The following SARAF variants were observed in gnomAD, a reference collection of about 807,000 sequenced individuals.
SARAF encodes store-operated calcium entry-associated regulatory factor.
SARAF carries 23 observed loss-of-function variants against 39.7 expected under a neutral mutation model. That is an observed-to-expected ratio of 0.58 (90% CI 0.42 to 0.82). SARAF has a LOEUF of 0.82. Among genes scored for constraint, SARAF ranks in the 40% least tolerant of loss-of-function variants. SARAF has a pLI of 0.00. For synonymous variants in SARAF, 175 were observed against 168.5 expected, an observed-to-expected ratio of 1.04 and a Z score of -0.30; for missense variants, 384 against 418.5, an observed-to-expected ratio of 0.92 and a Z score of 0.72.
chr8:30,082,883 G>A lies in SARAF; in HGVS notation c.67C>T (p.Leu23=), dbSNP rs376653256. The change falls in exon 1 of 6, where the codon CTG becomes TTG. Residue 23 remains leucine (L), a synonymous_variant. Coordinates refer to ENST00000256255, the MANE Select transcript of SARAF (RefSeq NM_016127.6). ...CLLLGLHLFL[L]TAGPALGWND... is the part of the protein sequence containing the mutation. ...CAGCCCAGGGCAGGGCCCGCGGTCAGCAGAAACAAATGCAAGCCGAGGAGC... is the reference window on the plus strand; with the variant it reads ...CAGCCCAGGGCAGGGCCCGCGGTCAACAGAAACAAATGCAAGCCGAGGAGC... The A allele has an allele frequency of 7.1e-6, 11 of 1,559,886 alleles. No individual in the cohort carries two copies. The highest frequency in any genetic ancestry group is 8.7e-6 in the Non-Finnish European group (10 of 1,154,396).
rs546817899 is a variant in SARAF, at chr8:30,073,310, C to T, written c.282+567G>A. On this transcript the variant is annotated intron_variant, in intron 2 of 5. Transcript: ENST00000256255. ...TTAAACTGAATTCATTTAATAAAAT[C>T]TATCTCTAAAGCATATTCAGTTTTG... Among the ~76,000 whole-genome samples, 5 of 152,300 alleles carry T rather than the reference C, an allele frequency of 3.3e-5. No individual in the cohort carries two copies. The South Asian group carries it at 1.0e-3, about 32-fold the overall frequency.
intron 5 of SARAF, among the ~76,000 whole-genome samples, chr8:30,064,561 A>ATATATATTTTTTTTTT (rs1423689069): frequency 6.5e-4 from 30 of 46,214 alleles, no homozygotes; most frequent in East Asian, 2.1e-3. Context: ...ATATATATAT[A>ATATATATTTTTTTTTT]TTTTTTTTTT....
At chr8:30,068,203 C>T (rs961273545) in intron 3 of SARAF, among the ~76,000 whole-genome samples, 2 of 152,106 alleles carry the variant, frequency 1.3e-5, no homozygotes, top group Non-Finnish European at 2.9e-5. Flanking sequence ...GCGACTGAAG[C>T]TTCATCTCTA....
At chr8:30,081,624 C>T (rs938361927) in intron 1 of SARAF, among the ~76,000 whole-genome samples, 1 of 152,180 alleles carries the variant, frequency 6.6e-6, no homozygotes, top group Non-Finnish European at 1.5e-5. Context: ...TAGAAATAAA[C>T]CTGTTGCTTA....
chr8:30,069,607 C>A (rs770877282), intron 3 of SARAF, 35 bp downstream of exon 3: 21 of 1,531,680 alleles, frequency 1.4e-5, no homozygotes, highest in East Asian at 2.2e-5. Flanking sequence ...AACCTCACAC[C>A]CGCTCTATTT....
intron 3 of SARAF, 63 bp downstream of exon 3, chr8:30,069,579 C>T: frequency 2.0e-6 from 3 of 1,498,264 alleles, no homozygotes. Context: ...TATTTCAGAA[C>T]CAAGCACAGG....
chr8:30,064,566 T>TTTATTTTTTTTTA (rs1563349944), intron 5 of SARAF, among the ~76,000 whole-genome samples: 24 of 102,548 alleles, frequency 2.3e-4, no homozygotes, highest in Non-Finnish European at 3.3e-4. Flanking sequence ...TATATATTTT[T>TTTATTTTTTTTTA]TTTTTTTTTT....
At chr8:30,069,589 G>C (rs952685874) in intron 3 of SARAF, 53 bp downstream of exon 3, 13 of 1,501,006 alleles carry the variant, frequency 8.7e-6, no homozygotes, top group Non-Finnish European at 1.2e-5. Flanking sequence ...CCAAGCACAG[G>C]ATGCACTAAC....
At chr8:30,064,561 A>ATTTTTTTTTTT (rs869277681) in intron 5 of SARAF, among the ~76,000 whole-genome samples, 8 of 46,234 alleles carry the variant, frequency 1.7e-4, no homozygotes, top group African/African-American at 6.7e-4. Flanking sequence ...ATATATATAT[A>ATTTTTTTTTTT]TTTTTTTTTT....
intron 1 of SARAF, among the ~76,000 whole-genome samples, chr8:30,078,514 T>C (rs1802025550): frequency 6.6e-6 from 1 of 152,142 alleles, no homozygotes; most frequent in Non-Finnish European, 1.5e-5. Context: ...TTCAGGTATC[T>C]CAACAGGATA....
chr8:30,068,468 A>T, intron 3 of SARAF, among the ~76,000 whole-genome samples: 1 of 152,210 alleles, frequency 6.6e-6, no homozygotes, highest in Non-Finnish European at 1.5e-5. Context: ...ATGAGTTGTT[A>T]ATTATTTCAT....
At chr8:30,064,152 A>C (rs1445299744) in intron 5 of SARAF, among the ~76,000 whole-genome samples, 1 of 152,084 alleles carries the variant, frequency 6.6e-6, no homozygotes, top group South Asian at 2.1e-4. Context: ...TTAGGACCCC[A>C]AAAAAGAGAA....
chr8:30,073,999 T>C lies in SARAF; in HGVS notation c.160A>G (p.Thr54Ala), dbSNP rs754928669. Residue 54 changes from threonine (T) to alanine (A), a missense_variant, in exon 2 of 6, where the codon ACC becomes GCC. Transcript: ENST00000256255. ...GGGATGGGATCCAGCCTGCGGGAGG[T>C]GGTATAGCGGTCATAGTGGAGGGTA... ...ALTLHYDRYT[T>A]SRRLDPIPQL... 2 of 1,613,936 alleles carry C rather than the reference T, an allele frequency of 1.2e-6. No individual in the cohort carries two copies. The highest frequency in any genetic ancestry group is 2.2e-5 in the East Asian group (1 of 44,862).
intron 1 of SARAF, among the ~76,000 whole-genome samples, chr8:30,076,603 CAT>C (rs1228166642): frequency 2.6e-5 from 4 of 152,210 alleles, no homozygotes; most frequent in African/African-American, 4.8e-5. Context: ...CCAAAGTTCA[CAT>C]GTTGGAAACT....
chr8:30,083,208 G>A (rs1331883399), upstream of SARAF: 18 of 349,548 alleles, frequency 5.1e-5, no homozygotes, highest in Non-Finnish European at 9.5e-5. Context: ...GAGGCGGTGT[G>A]GGCGGGGCCA....
chr8:30,070,400 C>T (rs1365500005), intron 2 of SARAF, among the ~76,000 whole-genome samples: 6 of 151,422 alleles, frequency 4.0e-5, no homozygotes, highest in East Asian at 1.9e-4. Context: ...AGCAAGACTC[C>T]GTCTCAAGAA....
intron 1 of SARAF, among the ~76,000 whole-genome samples, chr8:30,078,774 T>G (rs1585446154): frequency 1.3e-5 from 2 of 152,170 alleles, no homozygotes. Context: ...TAGGGTTTTT[T>G]GGGGAAAGAA....
chr8:30,073,953 C>A lies in SARAF; in HGVS notation c.206G>T (p.Gly69Val), dbSNP rs1269864329. The A allele has an allele frequency of 6.2e-7, 1 of 1,614,196 alleles. No homozygotes were observed. Among genetic ancestry groups the A allele is most frequent in the Non-Finnish European group, 8.5e-7 (1 of 1,180,042 alleles). ...DPIPQLKCVGGTAGCDSYTPK... is the reference protein window; with the variant it reads ...DPIPQLKCVGVTAGCDSYTPK... ...GGTATAAGAATCACAACCAGCTGTG[C>A]CTCCAACACATTTCAACTGTGGGAT... is the stretch of plus-strand genomic sequence containing the variant. The change falls in exon 2 of 6, where the codon GGC (glycine) becomes GTC (valine). Residue 69 changes from glycine (G) to valine (V), a missense_variant. Coordinates refer to ENST00000256255, the MANE Select transcript of SARAF (RefSeq NM_016127.6).
chr8:30,075,534 T>C (rs780078882), intron 1 of SARAF, among the ~76,000 whole-genome samples: 3 of 152,038 alleles, frequency 2.0e-5, no homozygotes, highest in Non-Finnish European at 2.9e-5. Context: ...TCGAGCAAAA[T>C]CTGGAAAGCA....
Sources: allele counts gnomAD v4.1 joint callset (sites outside exome capture counted in the v4.1 genomes callset), GRCh38; gene constraint gnomAD v4.1.1; transcripts MANE v1.5; gene names NCBI Gene and HGNC (gene_info 2026-07-23, HGNC 2026-07-21).